RBFOX1: variants seen among roughly 807,000 people sequenced by gnomAD.
RBFOX1 encodes RNA binding fox-1 homolog 1.
In RBFOX1, 8 loss-of-function variants were observed where a neutral mutation model predicts 57.7. The observed-to-expected ratio is 0.14, with a 90% confidence interval of 0.08 to 0.25. RBFOX1 has a LOEUF of 0.25. Ranked by LOEUF, RBFOX1 falls within the 10% of genes least tolerant of loss-of-function variation. The pLI is 1.00. For missense variants in RBFOX1, 611 were observed against 548.5 expected (o/e 1.11, Z -1.14); for synonymous variants, 326 against 222.4 (o/e 1.47, Z -4.15).
At chr16:5,359,415 AT>A (rs1210208808) in intron 1 of RBFOX1, among the ~76,000 whole-genome samples, 1 of 152,082 alleles carries the variant, frequency 6.6e-6, no homozygotes. Flanking sequence ...TGGTTTTCTA[AT>A]TTACATTCCC....
intron 1 of RBFOX1, among the ~76,000 whole-genome samples, chr16:6,107,147 G>GT (rs1380981563): frequency 3.9e-5 from 6 of 152,110 alleles, no homozygotes; most frequent in African/African-American, 1.2e-4. Flanking sequence ...TTGCTTTTTT[G>GT]TTTTTTTGTT....
intron 13 of RBFOX1, among the ~76,000 whole-genome samples, chr16:7,669,625 C>T (rs2070710768): frequency 6.6e-6 from 1 of 151,930 alleles, no homozygotes. Context: ...TAACAAGTTT[C>T]TGGTTAACAC....
In RBFOX1 at chr16:7,518,213, C is replaced by G. The variant is rs1567630819; in HGVS notation, c.94C>G (p.Pro32Ala). 1 of 1,613,942 alleles carries G rather than the reference C, an allele frequency of 6.2e-7. No individual in the cohort carries two copies. The highest frequency in any genetic ancestry group is 1.3e-5 in the African/African-American group (1 of 74,900). ...GCCTTACGCTTCGGCCCAGTTTGCT[C>G]CCCCGCAGAACGGTATCCCCGCGGA... ...AQPYASAQFAPPQNGIPAEYT... is the reference protein window; with the variant it reads ...AQPYASAQFAAPQNGIPAEYT... Residue 32 changes from proline to alanine, a missense_variant, in exon 5 of 16, where the codon CCC (proline) becomes GCC (alanine). Pro to Ala is a conservative substitution (Grantham distance 27, BLOSUM62 -1). Coordinates refer to ENST00000550418, the MANE Select transcript of RBFOX1 (RefSeq NM_018723.4).
intron 4 of RBFOX1, chr16:7,332,855 T>G (rs2096716646): frequency 1.4e-6 from 2 of 1,459,558 alleles, no homozygotes; most frequent in African/African-American, 2.8e-5. Context: ...CTTTCTTTCC[T>G]CTCCCGGCGT....
intron 3 of RBFOX1, among the ~76,000 whole-genome samples, chr16:7,045,860 G>A (rs1421322565): frequency 6.6e-6 from 1 of 152,046 alleles, no homozygotes; most frequent in African/African-American, 2.4e-5. Flanking sequence ...GTTTTACCAT[G>A]TTGGCCAGGT....
intron 4 of RBFOX1, among the ~76,000 whole-genome samples, chr16:7,293,629 G>A (rs571725956): frequency 2.6e-5 from 4 of 152,262 alleles, no homozygotes; most frequent in African/African-American, 9.6e-5. Context: ...GCCTGTAACC[G>A]TGAATTGCAA....
Position 6,541,946 on chromosome 16 carries a change from CTTT to C in RBFOX1, c.-63-112648_-63-112646del, listed in dbSNP as rs879873002. On this transcript the variant is annotated intron_variant, in intron 2 of 15. Coordinates refer to ENST00000550418, the MANE Select transcript of RBFOX1 (RefSeq NM_018723.4). ...AGTGTTCATTGATTTACATCTCCCC[CTTT>C]TTTTTTTTAATTAAAGAGATTAGGT... Among the ~76,000 whole-genome samples, 3 of 146,780 alleles carry C rather than the reference CTTT, an allele frequency of 2.0e-5. No homozygotes were observed. In the East Asian group the frequency reaches 6.0e-4, roughly 29 times the overall value.
chr16:5,486,276 C>T (rs763186638), intron 2 of RBFOX1, among the ~76,000 whole-genome samples: 10 of 152,112 alleles, frequency 6.6e-5, no homozygotes, highest in African/African-American at 9.7e-5. Flanking sequence ...TGAAACTACC[C>T]GTGAAGAAGA....
chr16:6,654,797 A>G (rs1486746622), intron 3 of RBFOX1, 147 bp downstream of exon 3: 4 of 569,340 alleles, frequency 7.0e-6, no homozygotes, highest in Non-Finnish European at 1.2e-5. Context: ...AGACTTAAAA[A>G]TGCTTGTCAT....
At chr16:6,417,349 A>T (rs1050364238) in intron 2 of RBFOX1, among the ~76,000 whole-genome samples, 1 of 148,344 alleles carries the variant, frequency 6.7e-6, no homozygotes, top group East Asian at 2.0e-4. Context: ...GGCCCTCTCT[A>T]CTGATTCTAT....
At chr16:6,237,362 C>A (rs1390796310) in intron 1 of RBFOX1, among the ~76,000 whole-genome samples, 4 of 152,120 alleles carry the variant, frequency 2.6e-5, no homozygotes, top group Non-Finnish European at 5.9e-5. Flanking sequence ...CCTTATATGG[C>A]CAGGTCTGAC....
chr16:7,094,613 T>A (rs1599314794), intron 4 of RBFOX1, among the ~76,000 whole-genome samples: 2 of 142,094 alleles, frequency 1.4e-5, no homozygotes, highest in African/African-American at 5.3e-5. Flanking sequence ...TGGGGACTCC[T>A]GCATTTCTTT....
intron 1 of RBFOX1, among the ~76,000 whole-genome samples, chr16:6,075,092 A>G (rs1169933232): frequency 1.3e-5 from 2 of 152,226 alleles, no homozygotes; most frequent in African/African-American, 4.8e-5. Context: ...ATAATAAAGA[A>G]TATCCCTGCT....
At chr16:5,612,699 C>T (rs945515966) in intron 3 of RBFOX1, among the ~76,000 whole-genome samples, 40 of 152,262 alleles carry the variant, frequency 2.6e-4, no homozygotes, top group African/African-American at 8.7e-4. Context: ...GCCCTGTGGC[C>T]AGAGGAGTTT....
chr16:7,489,988 T>C (rs2066498491), intron 4 of RBFOX1, among the ~76,000 whole-genome samples: 1 of 152,176 alleles, frequency 6.6e-6, no homozygotes, highest in South Asian at 2.1e-4. Flanking sequence ...TGTGTCTCTC[T>C]CCAAAATGCT....
intron 4 of RBFOX1, among the ~76,000 whole-genome samples, chr16:7,197,674 C>G (rs752472818): frequency 1.3e-5 from 2 of 152,130 alleles, no homozygotes; most frequent in African/African-American, 4.8e-5. Context: ...GGAAACAACT[C>G]AACTGTCCAT....
At position 5,326,415 on chromosome 16, in the gene RBFOX1, A is replaced by G. The variant is rs138363311; in HGVS notation, c.219+86310A>G. Among the ~76,000 whole-genome samples the G allele has an allele frequency of 7.2e-4, 109 of 152,342 alleles. No homozygotes were observed. The East Asian group carries it at 9.8e-3, about 14-fold the overall frequency. On this transcript the variant is annotated intron_variant, in intron 1 of 2. Transcript: ENST00000585867. ...CCTTCTACTATTTTGAGCCCCATCC[A>G]TACACTTGAGGCTGGGGAGAGTTCA...
At chr16:6,645,555 G>C (rs1218777124) in intron 2 of RBFOX1, among the ~76,000 whole-genome samples, 1 of 152,150 alleles carries the variant, frequency 6.6e-6, no homozygotes, top group Admixed American at 6.5e-5. Flanking sequence ...ACCAAGTGTA[G>C]AAGAAAAGAA....
At chr16:5,274,152 C>G (rs1254497659) in intron 1 of RBFOX1, among the ~76,000 whole-genome samples, 1 of 152,194 alleles carries the variant, frequency 6.6e-6, no homozygotes, top group East Asian at 1.9e-4. Context: ...ATCGCTGCAT[C>G]TCTCATGCCT....
Sources: gnomAD v4.1 joint callset for allele counts (sites outside exome capture counted in the v4.1 genomes callset) on GRCh38, gnomAD v4.1.1 for gene constraint, MANE v1.5 for transcripts, NCBI Gene and HGNC (gene_info 2026-07-23, HGNC 2026-07-21) for gene names.